Variants in CYTH4 observed in about 807,000 individuals in gnomAD.
CYTH4 encodes cytohesin-4.
Under a neutral mutation model 57.5 loss-of-function variants are expected in CYTH4, and 22 were observed. That is an observed-to-expected ratio of 0.38 (90% confidence interval 0.27 to 0.55). The LOEUF (loss-of-function observed/expected upper bound fraction) is 0.55. Among genes scored for constraint, CYTH4 ranks in the 20% least tolerant of loss-of-function variants. CYTH4 has a pLI of 0.74. For missense variants in CYTH4, 420 were observed against 535.6 expected, an observed-to-expected ratio of 0.78 and a Z score of 2.13; for synonymous variants, 186 against 206.5, an observed-to-expected ratio of 0.90 and a Z score of 0.85.
intron 8 of CYTH4, among the ~76,000 whole-genome samples, chr22:37,306,523 T>A (rs897519771): frequency 6.6e-6 from 1 of 152,262 alleles, no homozygotes; most frequent in Non-Finnish European, 1.5e-5. Flanking sequence ...CTTCAGCGCC[T>A]ATCCCTCTGC....
chr22:37,288,143 G>A lies in CYTH4; in HGVS notation c.20-4478G>A, dbSNP rs543768280. Among the ~76,000 whole-genome samples, 150 of 152,166 alleles carry A rather than the reference G, an allele frequency of 9.9e-4. 1 individual carries two copies. The highest frequency in any genetic ancestry group is 1.6e-3 in the Non-Finnish European group (107 of 68,034). On this transcript the variant is annotated intron_variant, in intron 1 of 12. Coordinates refer to ENST00000248901, the MANE Select transcript of CYTH4 (RefSeq NM_013385.5). ...AAAAATACAGAAATTGGCCCAGTGC[G>A]GTGGCTCACGCCTGTAATCTCAGCA...
At chr22:37,283,182 T>C (rs549049585) in intron 1 of CYTH4, among the ~76,000 whole-genome samples, 5 of 118,256 alleles carry the variant, frequency 4.2e-5, no homozygotes, top group African/African-American at 8.0e-5. Flanking sequence ...CTGAGGACGC[T>C]GCCTAGAGCC....
At chr22:37,285,836 C>T (rs1928537403) in intron 1 of CYTH4, among the ~76,000 whole-genome samples, 1 of 152,182 alleles carries the variant, frequency 6.6e-6, no homozygotes, top group Non-Finnish European at 1.5e-5. Context: ...TCCGTGTGCA[C>T]CATGTAAGAC....
At chr22:37,284,218 G>A (rs547544297) in intron 1 of CYTH4, among the ~76,000 whole-genome samples, 1 of 152,324 alleles carries the variant, frequency 6.6e-6, no homozygotes, top group East Asian at 1.9e-4. Flanking sequence ...CCATCGAGTA[G>A]TTGGTCTTTT....
chr22:37,312,008 A>G lies in CYTH4; in HGVS notation c.958-12A>G, dbSNP rs375986598. The G allele has an allele frequency of 3.7e-6, 6 of 1,605,452 alleles. No homozygotes were observed. The African/African-American group carries it at 8.1e-5, about 22-fold the overall frequency. On this transcript the variant is annotated splice_polypyrimidine_tract_variant and intron_variant, in intron 11 of 12. Transcript: ENST00000248901. ...CCTCTCTTCCCACCCTTGCCTGGCC[A>G]CCTCCCCACAGTTCTGCCTGGAGCT...
chr22:37,291,302 C>T (rs945299464), intron 1 of CYTH4, among the ~76,000 whole-genome samples: 4 of 152,208 alleles, frequency 2.6e-5, no homozygotes, highest in Admixed American at 6.5e-5. Context: ...GCCTGGTGCC[C>T]TGCATCTCCG....
intron 4 of CYTH4, 131 bp from the exon 5 acceptor site, chr22:37,297,433 C>G: frequency 1.3e-6 from 1 of 742,654 alleles, no homozygotes. Flanking sequence ...TCAAAACTTC[C>G]CAGAACAGAC....
Position 37,312,122 on chromosome 22 carries a change from C to T in CYTH4, c.1060C>T (p.Arg354Cys), listed in dbSNP as rs761955954. ...RVVEGKHESY[R>C]ISATSAEERD... The stretch of plus-strand genomic sequence containing the variant: ...GGTGGAGGGCAAGCACGAATCGTAC[C>T]GCATCTCAGCCACCAGTGCCGAGGA... Residue 354 changes from arginine (R) to cysteine (C), a missense_variant, in exon 12 of 13, where the codon CGC becomes TGC. Transcript: ENST00000248901. 11 of 1,614,218 alleles carry T rather than the reference C, an allele frequency of 6.8e-6. No homozygotes were observed. The highest frequency in any genetic ancestry group is 3.3e-5 in the Admixed American group (2 of 60,026).
At chr22:37,297,429 C>G in intron 4 of CYTH4, 135 bp from the exon 5 acceptor site, 1 of 692,664 alleles carries the variant, frequency 1.4e-6, no homozygotes, top group East Asian at 2.8e-5. Context: ...GGGGTCAAAA[C>G]TTCCCAGAAC....
intron 2 of CYTH4, among the ~76,000 whole-genome samples, chr22:37,294,417 A>G (rs1928873246): frequency 6.6e-6 from 1 of 151,964 alleles, no homozygotes; most frequent in African/African-American, 2.4e-5. Flanking sequence ...TCCCCAAGAC[A>G]AGTGGAGGCA....
intron 1 of CYTH4, 124 bp from the exon 2 acceptor site, chr22:37,292,497 G>A: frequency 1.1e-6 from 1 of 887,238 alleles, no homozygotes; most frequent in South Asian, 1.5e-5. Flanking sequence ...GCTTCCTGGA[G>A]GAGGTGGGCC....
At position 37,297,678 on chromosome 22, in the gene CYTH4, G is replaced by C; in HGVS notation, c.349G>C (p.Glu117Gln). The C allele has an allele frequency of 6.2e-7, 1 of 1,613,300 alleles. No homozygotes were observed. The highest frequency in any genetic ancestry group is 1.7e-5 in the Admixed American group (1 of 60,006). Residue 117 changes from glutamate (E) to glutamine (Q), a missense_variant, in exon 5 of 13, where the codon GAG (glutamate) becomes CAG (glutamine). Physicochemically the swap from Glu to Gln is conservative, Grantham distance 29. Transcript: ENST00000248901. Reference protein sequence around the residue: ...NKTAIGTYLGERDPINLQVLQ... With the variant: ...NKTAIGTYLGQRDPINLQVLQ... The stretch of plus-strand genomic sequence containing the variant: ...GACAGCCATTGGTACCTACCTGGGG[G>C]AGAGGTAAGAACGAGTGGAGCCTTA...
intron 4 of CYTH4, 31 bp from the exon 5 acceptor site, chr22:37,297,533 G>A (rs927794074): frequency 6.3e-7 from 1 of 1,597,660 alleles, no homozygotes; most frequent in East Asian, 2.2e-5. Flanking sequence ...CCATGCAGCA[G>A]CTGCTCACGG....
At chr22:37,310,425 G>A (rs1929597539) in intron 9 of CYTH4, among the ~76,000 whole-genome samples, 1 of 152,146 alleles carries the variant, frequency 6.6e-6, no homozygotes, top group African/African-American at 2.4e-5. Context: ...TAAATGTGCG[G>A]CAAAATGGCC....
chr22:37,297,350 GCTGA>G (rs907306187), intron 4 of CYTH4, among the ~76,000 whole-genome samples: 6 of 152,164 alleles, frequency 3.9e-5, no homozygotes, highest in Admixed American at 1.3e-4. Flanking sequence ...TGGCAGGAAA[GCTGA>G]CTTTCTTTGC....
In CYTH4 at chr22:37,311,132, C is replaced by A; in HGVS notation, c.885+68C>A. ...CCCGCACAACCCACTTCCCAACTCC[C>A]ACTGAGCAGTCGACTCACACAGCTT... On this transcript the variant is annotated intron_variant, in intron 10 of 12. Coordinates refer to ENST00000248901, the MANE Select transcript of CYTH4 (RefSeq NM_013385.5). The surrounding 1 kb of genome is among the most constrained non-coding windows in gnomAD (Gnocchi z 4.4). 1 of 1,531,674 alleles carries A rather than the reference C, an allele frequency of 6.5e-7. No homozygotes were observed. The highest frequency in any genetic ancestry group is 9.0e-7 in the Non-Finnish European group (1 of 1,106,702). 94.9% of individuals were successfully genotyped at this position (1,531,674 alleles called of 1,614,324 possible).
At position 37,307,522 on chromosome 22, in the gene CYTH4, G is replaced by A. The variant is rs147378996; in HGVS notation, c.697-1690G>A. On this transcript the variant is annotated intron_variant, in intron 8 of 12. Coordinates refer to ENST00000248901, the MANE Select transcript of CYTH4 (RefSeq NM_013385.5). ...ACCCCCATAGCCCCACAGCCAGATT[G>A]AGCCCAGGGAAGCCACTCCCAGCCC... 3.3e-3 allele frequency among the ~76,000 whole-genome samples: 507 copies of A among 152,164 alleles called. 2 individuals carry two copies. The highest frequency in any genetic ancestry group is 0.011 in the African/African-American group (459 of 41,512).
chr22:37,308,283 CAGAG>C (rs1231603243), intron 8 of CYTH4, among the ~76,000 whole-genome samples: 6 of 152,182 alleles, frequency 3.9e-5, no homozygotes, highest in African/African-American at 9.7e-5. Flanking sequence ...GCCCCAGAGA[CAGAG>C]AGACAGAAAG....
rs148566026 is a variant in CYTH4 at position 37,295,983 on chromosome 22, G to A, written c.168-16G>A. 1,003 of 1,610,764 alleles carry A rather than the reference G, an allele frequency of 6.2e-4. 7 individuals are homozygous for A. In the African/African-American group the frequency reaches 0.011, roughly 18 times the overall value. Reference sequence around the variant, plus strand: ...GGGTCCTGGGGCAGCCCAAGCTGACGTCCTCATGTCCACAGCCGGATGGCC... The same window carrying A: ...GGGTCCTGGGGCAGCCCAAGCTGACATCCTCATGTCCACAGCCGGATGGCC... On this transcript the variant is annotated splice_polypyrimidine_tract_variant and intron_variant, in intron 3 of 12. Coordinates refer to ENST00000248901, the MANE Select transcript of CYTH4 (RefSeq NM_013385.5). The surrounding 1 kb of genome is among the most constrained non-coding windows in gnomAD (Gnocchi z 4.1).
Sources: allele counts gnomAD v4.1 joint callset (sites outside exome capture counted in the v4.1 genomes callset), GRCh38; gene constraint gnomAD v4.1.1; non-coding constraint Gnocchi (gnomAD v3.1); transcripts MANE v1.5; gene names NCBI Gene and HGNC (gene_info 2026-07-23, HGNC 2026-07-21).